The following CAMTA1 variants were observed in gnomAD, a reference collection of about 807,000 sequenced individuals.
CAMTA1 encodes calmodulin-binding transcription activator 1.
Under a neutral mutation model 170.9 loss-of-function variants are expected in CAMTA1, and 27 were observed. The ratio of observed to expected loss-of-function variants is 0.16; its 90% CI spans 0.12 to 0.22. The LOEUF is 0.22. Among genes scored for constraint, CAMTA1 ranks in the 10% least tolerant of loss-of-function variants. The pLI, the probability that CAMTA1 is intolerant of heterozygous loss-of-function variation, is 1.00. For missense variants in CAMTA1, 1,619 were observed against 2,217.2 expected (o/e 0.73, Z 5.42); for synonymous variants, 833 against 891.5 (o/e 0.93, Z 1.17).
chr1:7,712,195 C>T (rs79180806), intron 11 of CAMTA1, among the ~76,000 whole-genome samples: 3,180 of 152,242 alleles, frequency 0.021, 72 homozygotes, highest in African/African-American at 0.061. Flanking sequence ...ATTCTTAATT[C>T]ACAGGGTAGA....
chr1:7,624,220 G>A (rs920969404), intron 6 of CAMTA1, among the ~76,000 whole-genome samples: 1 of 152,234 alleles, frequency 6.6e-6, no homozygotes, highest in African/African-American at 2.4e-5. Flanking sequence ...GCAGAGATGA[G>A]GACCACAGTT....
At chr1:7,430,161 A>G (rs2092086020) in intron 5 of CAMTA1, among the ~76,000 whole-genome samples, 1 of 152,074 alleles carries the variant, frequency 6.6e-6, no homozygotes, top group Non-Finnish European at 1.5e-5. Context: ...GGTGGAGGTG[A>G]TGGTGATGAT....
At chr1:7,100,490 C>A (rs1385674710) in intron 4 of CAMTA1, among the ~76,000 whole-genome samples, 1 of 152,142 alleles carries the variant, frequency 6.6e-6, no homozygotes, top group African/African-American at 2.4e-5. Flanking sequence ...AGTTAACTTG[C>A]TGTTTCACTC....
In CAMTA1 at chr1:7,680,002, C is replaced by T. The variant is rs1272886527; in HGVS notation, c.2914+2269C>T. ...TATTCTTTTTCCCCCTAAATGAATA[C>T]AAGGCACTCACCCACCCAAGGGCCC... On this transcript the variant is annotated intron_variant, in intron 11 of 22. Coordinates refer to ENST00000303635, the MANE Select transcript of CAMTA1 (RefSeq NM_015215.4). This position sits in a 1 kb window ranked among gnomAD's most constrained non-coding sequence, Gnocchi z 4.4. 6.6e-6 allele frequency among the ~76,000 whole-genome samples: 1 copy of T among 152,202 alleles called. No individual in the cohort carries two copies. The highest frequency in any genetic ancestry group is 6.5e-5 in the Admixed American group (1 of 15,288).
intron 3 of CAMTA1, among the ~76,000 whole-genome samples, chr1:6,904,481 G>C (rs1677833680): frequency 1.3e-5 from 2 of 151,650 alleles, no homozygotes; most frequent in East Asian, 3.9e-4. Context: ...CTGTTTATCT[G>C]CCAATGACAC....
intron 4 of CAMTA1, among the ~76,000 whole-genome samples, chr1:7,099,433 TAGC>T (rs376582336): frequency 9.8e-5 from 15 of 152,332 alleles, no homozygotes; most frequent in African/African-American, 2.2e-4. Context: ...TAAGAAAAGA[TAGC>T]AGCCTCTGCA....
intron 21 of CAMTA1, among the ~76,000 whole-genome samples, chr1:7,754,016 G>A (rs1370777077): frequency 6.6e-6 from 1 of 152,162 alleles, no homozygotes; most frequent in African/African-American, 2.4e-5. Flanking sequence ...AGGGACTTAG[G>A]ACCAAAGAGA....
At chr1:7,747,621 G>C (rs1558290905) in intron 18 of CAMTA1, 89 bp from the exon 19 acceptor site, 4 of 767,776 alleles carry the variant, frequency 5.2e-6, no homozygotes. Flanking sequence ...TCAACTCTGA[G>C]AAGGTGCATT....
At chr1:7,229,887 T>C (rs1262071395) in intron 4 of CAMTA1, among the ~76,000 whole-genome samples, 1 of 152,048 alleles carries the variant, frequency 6.6e-6, no homozygotes, top group East Asian at 1.9e-4. Flanking sequence ...CGATGACCAT[T>C]GGTGAGAAGT....
At chr1:6,885,466 T>C (rs1458786886) in intron 3 of CAMTA1, among the ~76,000 whole-genome samples, 5 of 152,180 alleles carry the variant, frequency 3.3e-5, no homozygotes, top group Admixed American at 2.0e-4. Context: ...CATTTAAACT[T>C]GCAGTTCATT....
In CAMTA1 at chr1:7,112,818, G is replaced by A. The variant is rs75902622; in HGVS notation, c.302+21447G>A. Among the ~76,000 whole-genome samples the A allele has an allele frequency of 1.6e-4, 25 of 152,346 alleles. No individual in the cohort carries two copies. In the East Asian group the frequency reaches 4.6e-3, roughly 28 times the overall value. On this transcript the variant is annotated intron_variant, in intron 4 of 22. Coordinates refer to ENST00000303635, the MANE Select transcript of CAMTA1 (RefSeq NM_015215.4). ...GCCTCTCTGACATCAAAGATCAGGA[G>A]GTGGTGCTTTGATCCCACGGGCCAT...
chr1:7,306,023 G>A (rs1675536450), intron 5 of CAMTA1, among the ~76,000 whole-genome samples: 3 of 152,010 alleles, frequency 2.0e-5, no homozygotes, highest in Non-Finnish European at 4.4e-5. Flanking sequence ...TTTGCTTGCT[G>A]TTGAGTCAGA....
At chr1:6,842,471 C>T (rs982127445) in intron 3 of CAMTA1, among the ~76,000 whole-genome samples, 5 of 152,194 alleles carry the variant, frequency 3.3e-5, no homozygotes, top group Non-Finnish European at 7.3e-5. Context: ...CAAACTAATT[C>T]AACTGGAGTC....
At chr1:7,111,807 C>A (rs1226517797) in intron 4 of CAMTA1, among the ~76,000 whole-genome samples, 1 of 150,752 alleles carries the variant, frequency 6.6e-6, no homozygotes, top group Non-Finnish European at 1.5e-5. Context: ...ATCACTTGAA[C>A]CCGGGAGGTG....
chr1:6,822,794 CCACACACA>C (rs3061932), intron 2 of CAMTA1, among the ~76,000 whole-genome samples: 5,752 of 146,566 alleles, frequency 0.039, 146 homozygotes, highest in Non-Finnish European at 0.059. Flanking sequence ...TACATAAATA[CCACACACA>C]CACACACACA....
At chr1:7,157,615 A>G (rs1281789623) in intron 4 of CAMTA1, among the ~76,000 whole-genome samples, 2 of 152,202 alleles carry the variant, frequency 1.3e-5, no homozygotes, top group Non-Finnish European at 2.9e-5. Flanking sequence ...GATGGTACGA[A>G]CAATTTGGAA....
At chr1:7,714,083 T>C (rs2096591681) in intron 11 of CAMTA1, among the ~76,000 whole-genome samples, 1 of 152,188 alleles carries the variant, frequency 6.6e-6, no homozygotes, top group South Asian at 2.1e-4. Context: ...ATATTATCTA[T>C]GCAAGACACT....
intron 5 of CAMTA1, among the ~76,000 whole-genome samples, chr1:7,411,658 C>G (rs2090767376): frequency 6.6e-6 from 1 of 151,726 alleles, no homozygotes; most frequent in African/African-American, 2.4e-5. Context: ...AGTACCAGCT[C>G]AGAGAGAGAC....
At chr1:7,550,562 A>G (rs1395172189) in intron 6 of CAMTA1, among the ~76,000 whole-genome samples, 1 of 143,778 alleles carries the variant, frequency 7.0e-6, no homozygotes, top group South Asian at 2.2e-4. Context: ...GGCCCCTCCT[A>G]CCTGGCCCTC....
Sources: gnomAD v4.1 joint callset for allele counts (sites outside exome capture counted in the v4.1 genomes callset) on GRCh38, gnomAD v4.1.1 for gene constraint, Gnocchi (gnomAD v3.1) non-coding constraint, MANE v1.5 for transcripts, NCBI Gene and HGNC (gene_info 2026-07-23, HGNC 2026-07-21) for gene names.